The following FGF3 variants were observed in gnomAD, a reference collection of about 807,000 sequenced individuals.
FGF3 encodes the protein FGF-3.
FGF3 carries 7 observed loss-of-function variants against 9.8 expected under a neutral mutation model. The ratio of observed to expected loss-of-function variants is 0.72; its 90% CI spans 0.41 to 1.35. The LOEUF (loss-of-function observed/expected upper bound fraction) is 1.35. Among genes scored for constraint, FGF3 ranks in the 40% most tolerant of loss-of-function variants. The pLI, the probability that FGF3 is intolerant of heterozygous loss-of-function variation, is 0.01. For missense variants in FGF3, 390 were observed against 345.6 expected (o/e 1.13, Z -1.02); for synonymous variants, 173 against 157.2 (o/e 1.10, Z -0.75).
At chr11:69,813,600 A>G (rs1158531752) in intron 2 of FGF3, among the ~76,000 whole-genome samples, 34 of 62,724 alleles carry the variant, frequency 5.4e-4, no homozygotes, top group African/African-American at 1.8e-3. Flanking sequence ...GGGTGGGTGG[A>G]TGGATGGATG....
At chr11:69,815,672 T>C (rs1856119310) in intron 2 of FGF3, among the ~76,000 whole-genome samples, 1 of 152,138 alleles carries the variant, frequency 6.6e-6, no homozygotes, top group African/African-American at 2.4e-5. Flanking sequence ...CTGTGACATG[T>C]ATTTTACTCT....
At chr11:69,812,833 G>T (rs1313981203) in intron 2 of FGF3, among the ~76,000 whole-genome samples, 1 of 152,170 alleles carries the variant, frequency 6.6e-6, no homozygotes, top group Non-Finnish European at 1.5e-5. Flanking sequence ...CCACTTGAGG[G>T]GTGGGTCACT....
Position 69,818,961 on chromosome 11 carries a change from C to T in FGF3, c.-28G>A. On this transcript the variant is annotated 5_prime_UTR_variant, in exon 1 of 3. Coordinates refer to ENST00000334134, the MANE Select transcript of FGF3 (RefSeq NM_005247.4). ...TGGCATCGCGCCCGCCCCGCGGCGG[C>T]GGCGGCTGCAGGCGAGCGCGGCGCC... 2.1e-6 allele frequency: 3 copies of T among 1,426,930 alleles called. No individual in the cohort carries two copies. Among genetic ancestry groups the T allele is most frequent in the South Asian group, 2.7e-5 (2 of 74,092 alleles). The allele number at this position is 1,426,930 out of a possible 1,614,324, so 88.4% of individuals were successfully genotyped here.
chr11:69,810,481 C>G lies in FGF3; in HGVS notation c.544G>C (p.Val182Leu). The G allele has an allele frequency of 1.9e-6, 3 of 1,607,188 alleles. No homozygotes were observed. Among genetic ancestry groups the G allele is most frequent in the Non-Finnish European group, 2.5e-6 (3 of 1,177,228 alleles). The change falls in exon 3 of 3, where the codon GTG becomes CTG. Residue 182 changes from valine to leucine, a missense_variant. By Grantham distance (32) the Val-to-Leu change is conservative (BLOSUM62 1). Coordinates refer to ENST00000334134, the MANE Select transcript of FGF3 (RefSeq NM_005247.4). ...TQKSSLFLPRVLDHRDHEMVR... is the reference protein window; with the variant it reads ...TQKSSLFLPRLLDHRDHEMVR... ...ATCTCGTGGTCCCTGTGGTCCAGCA[C>G]GCGGGGCAGGAACAGGGAGGACTTC...
chr11:69,818,639 C>T, intron 1 of FGF3, 75 bp downstream of exon 1: 10 of 1,173,128 alleles, frequency 8.5e-6, no homozygotes, highest in African/African-American at 1.6e-5. Context: ...CGCGGGGCCC[C>T]GCAGCGCGCC....
At position 69,810,608 on chromosome 11, in the gene FGF3, A is replaced by G. The variant is rs1554980368; in HGVS notation, c.417T>C (p.Ser139=). The G allele has an allele frequency of 6.2e-7, 1 of 1,610,594 alleles. No individual in the cohort carries two copies. Among genetic ancestry groups the G allele is most frequent in the Non-Finnish European group, 8.5e-7 (1 of 1,178,226 alleles). ...YASRLYRTVS[S]TPGARRQPSA... ...TGGGCTGCCGGCGGGCCCCAGGCGT[A>G]CTAGACACCGTCCGGTACAGCCGGG... The change falls in exon 3 of 3, where the codon AGT becomes AGC. Residue 139 remains serine, a synonymous_variant. Coordinates refer to ENST00000334134, the MANE Select transcript of FGF3 (RefSeq NM_005247.4).
rs1376498074 is a variant in FGF3 at position 69,818,597 on chromosome 11, C to T, written c.220+117G>A. 7.0e-6 allele frequency: 5 copies of T among 715,774 alleles called. No individual in the cohort carries two copies. In the Admixed American group the frequency reaches 1.8e-4, roughly 25 times the overall value. The allele number at this position is 715,774 out of a possible 1,614,324, so 44.3% of individuals were successfully genotyped here. A position where few individuals can be genotyped will look rare whatever the true frequency, so the allele number is the denominator to read the frequency against. On this transcript the variant is annotated intron_variant, in intron 1 of 2. Transcript: ENST00000334134. ...ACCCCGGGCGCACCATGCCTTCTCC[C>T]GGGCCAGACCCCTCCCCGGCGCCGC...
intron 1 of FGF3, among the ~76,000 whole-genome samples, chr11:69,817,197 C>A (rs1856148526): frequency 6.6e-6 from 1 of 152,016 alleles, no homozygotes; most frequent in African/African-American, 2.4e-5. Flanking sequence ...GGGTCATTGT[C>A]TCCCAATAGA....
intron 2 of FGF3, among the ~76,000 whole-genome samples, chr11:69,812,519 A>G (rs1276244186): frequency 6.6e-6 from 1 of 152,102 alleles, no homozygotes; most frequent in East Asian, 1.9e-4. Flanking sequence ...CCATGTTTAT[A>G]GATGGGGAAA....
At chr11:69,813,768 G>GTGGGTGGATGGA (rs1856072165) in intron 2 of FGF3, among the ~76,000 whole-genome samples, 1 of 68,076 alleles carries the variant, frequency 1.5e-5, no homozygotes, top group Non-Finnish European at 2.8e-5. Context: ...GGGTGGATGG[G>GTGGGTGGATGGA]TGGATGGATG....
chr11:69,813,808 G>A (rs112477206), intron 2 of FGF3, among the ~76,000 whole-genome samples: 1,822 of 23,760 alleles, frequency 0.077, 43 homozygotes, highest in East Asian at 0.11. Context: ...GGATGGATGG[G>A]TGGATGGGTG....
chr11:69,810,435 C>T lies in FGF3; in HGVS notation c.590G>A (p.Gly197Glu), dbSNP rs754817690. The change falls in exon 3 of 3, where the codon GGG becomes GAG. Residue 197 changes from glycine (G) to glutamate (E), a missense_variant. Transcript: ENST00000334134. ...DHEMVRQLQS[G>E]LPRPPGKGVQ... ...CCCCTTACCAGGGGGTCTGGGCAGCCCACTCTGTAGCTGCCGCACCATCTC... is the reference window on the plus strand; with the variant it reads ...CCCCTTACCAGGGGGTCTGGGCAGCTCACTCTGTAGCTGCCGCACCATCTC... The T allele has an allele frequency of 1.0e-5, 16 of 1,590,402 alleles. No homozygotes were observed. The highest frequency in any genetic ancestry group is 1.4e-5 in the Non-Finnish European group (16 of 1,167,898).
rs1554980327 is a variant in FGF3 at position 69,810,479 on chromosome 11, C to T, written c.546G>A (p.Val182=). 1 of 1,606,636 alleles carries T rather than the reference C, an allele frequency of 6.2e-7. No homozygotes were observed. Among genetic ancestry groups the T allele is most frequent in the South Asian group, 1.1e-5 (1 of 89,952 alleles). The change falls in exon 3 of 3, where the codon GTG becomes GTA. Residue 182 remains valine, a synonymous_variant. Coordinates refer to ENST00000334134, the MANE Select transcript of FGF3 (RefSeq NM_005247.4). ...CCATCTCGTGGTCCCTGTGGTCCAG[C>T]ACGCGGGGCAGGAACAGGGAGGACT... ...TQKSSLFLPR[V]LDHRDHEMVR...
rs1554981418 is a variant in FGF3 at position 69,818,849 on chromosome 11, C to T, written c.85G>A (p.Ala29Thr). 1 of 1,470,832 alleles carries T rather than the reference C, an allele frequency of 6.8e-7. No homozygotes were observed. Among genetic ancestry groups the T allele is most frequent in the African/African-American group, 1.5e-5 (1 of 68,018 alleles). 91.1% of individuals were successfully genotyped at this position (1,470,832 alleles called of 1,614,324 possible). Residue 29 changes from alanine to threonine, a missense_variant, in exon 1 of 3, where the codon GCG becomes ACG. Transcript: ENST00000334134. The stretch of plus-strand genomic sequence containing the variant: ...TCGTAGACGCCGCCACGGCCGCCCG[C>T]ATCGCGCCGCAACCGCGCCCCAGGG... Reference protein sequence around the residue: ...AGPGARLRRDAGGRGGVYEHL... With the variant: ...AGPGARLRRDTGGRGGVYEHL...
chr11:69,818,239 G>A (rs1425860148), intron 1 of FGF3, among the ~76,000 whole-genome samples: 1 of 152,190 alleles, frequency 6.6e-6, no homozygotes, highest in Admixed American at 6.5e-5. Context: ...GGGTCGGCAG[G>A]AGGAGGAGAA....
intron 2 of FGF3, among the ~76,000 whole-genome samples, chr11:69,812,853 G>A (rs1297964668): frequency 6.6e-6 from 1 of 152,174 alleles, no homozygotes; most frequent in African/African-American, 2.4e-5. Context: ...TGAAGGACAG[G>A]TGCCTGTGAG....
At chr11:69,811,585 C>T (rs1554980480) in intron 2 of FGF3, among the ~76,000 whole-genome samples, 3 of 152,188 alleles carry the variant, frequency 2.0e-5, no homozygotes, top group Non-Finnish European at 4.4e-5. Context: ...ACGCTGCGCT[C>T]AGGGGCCCCA....
At chr11:69,811,609 AC>A (rs1341113058) in intron 2 of FGF3, among the ~76,000 whole-genome samples, 4 of 152,138 alleles carry the variant, frequency 2.6e-5, no homozygotes, top group Non-Finnish European at 5.9e-5. Flanking sequence ...GGGGTCATTG[AC>A]CCCTGAGCAA....
rs1856082826 is a variant in FGF3 at position 69,813,894 on chromosome 11, G to T, written c.324+2426C>A. On this transcript the variant is annotated intron_variant, in intron 2 of 2. Transcript: ENST00000334134. ...TAGGTGGATGGATGGATGGGTGGATGGCTGGATGGATGGGTGGATTGCTGG... is the reference window on the plus strand; with the variant it reads ...TAGGTGGATGGATGGATGGGTGGATTGCTGGATGGATGGGTGGATTGCTGG... 4.0e-5 allele frequency among the ~76,000 whole-genome samples: 6 copies of T among 149,932 alleles called. 1 individual carries two copies. In the South Asian group the frequency reaches 1.1e-3, roughly 26 times the overall value.
Sources: allele counts gnomAD v4.1 joint callset (sites outside exome capture counted in the v4.1 genomes callset), GRCh38; gene constraint gnomAD v4.1.1; transcripts MANE v1.5; gene names NCBI Gene and HGNC (gene_info 2026-07-23, HGNC 2026-07-21).